RIC8B: variants seen among roughly 807,000 people sequenced by gnomAD.
RIC8B encodes the protein chaperone Ric-8B.
A neutral mutation model predicts 57.5 loss-of-function variants in RIC8B; 16 were observed. The observed-to-expected ratio is 0.28, with a 90% confidence interval of 0.19 to 0.42. The LOEUF is 0.42. RIC8B is among the 10% of genes least tolerant of loss of function. The pLI is 1.00. For missense variants in RIC8B, 481 were observed against 677.0 expected (o/e 0.71, Z 3.21); for synonymous variants, 216 against 250.8 (o/e 0.86, Z 1.31).
rs1950298797 is a variant in RIC8B, at chr12:106,869,477, GT to G, written c.1452-1342del. On this transcript the variant is annotated intron_variant, in intron 8 of 9. Transcript: ENST00000392837. Reference sequence around the variant, plus strand: ...TTTTTTTTAATTTAAACTGGGCACCGTTTTCCAGTTGATCTCAATCTCCCAA... The same window carrying G: ...TTTTTTTTAATTTAAACTGGGCACCGTTTCCAGTTGATCTCAATCTCCCAA... Among the ~76,000 whole-genome samples the G allele has an allele frequency of 2.0e-5, 3 of 150,600 alleles. 1 individual carries two copies. In the Middle Eastern group the frequency reaches 0.01, roughly 519 times the overall value.
chr12:106,832,657 T>C (rs1185531019), intron 4 of RIC8B, among the ~76,000 whole-genome samples: 1 of 152,178 alleles, frequency 6.6e-6, no homozygotes, highest in Non-Finnish European at 1.5e-5. Context: ...CAGGTATACT[T>C]AGTAAATGCT....
At chr12:106,882,550 C>A (rs1229412842) in intron 9 of RIC8B, among the ~76,000 whole-genome samples, 1 of 152,136 alleles carries the variant, frequency 6.6e-6, no homozygotes, top group Admixed American at 6.6e-5. Context: ...ATTATCACGA[C>A]CCCCATTTCA....
chr12:106,853,625 T>C (rs542850189), intron 7 of RIC8B, among the ~76,000 whole-genome samples: 1 of 151,844 alleles, frequency 6.6e-6, no homozygotes, highest in Admixed American at 6.6e-5. Context: ...CATGCCAACA[T>C]GCCTGGCTAA....
intron 2 of RIC8B, among the ~76,000 whole-genome samples, chr12:106,801,109 G>A (rs1170768994): frequency 1.3e-5 from 2 of 152,210 alleles, no homozygotes; most frequent in Non-Finnish European, 2.9e-5. Context: ...GTGGAGAACA[G>A]GGCTTTCTGA....
intron 4 of RIC8B, among the ~76,000 whole-genome samples, chr12:106,826,021 T>G (rs1205451437): frequency 6.6e-6 from 1 of 152,222 alleles, no homozygotes; most frequent in Non-Finnish European, 1.5e-5. Flanking sequence ...TTTCACTTTG[T>G]TATATTGAGG....
intron 9 of RIC8B, among the ~76,000 whole-genome samples, chr12:106,877,839 CCAT>C (rs1950737863): frequency 6.6e-6 from 1 of 152,064 alleles, no homozygotes; most frequent in South Asian, 2.1e-4. Flanking sequence ...AGCTCACCAG[CCAT>C]CATTAGTGTT....
At chr12:106,775,068 C>T (rs752394677) in intron 1 of RIC8B, 9 of 549,084 alleles carry the variant, frequency 1.6e-5, no homozygotes, top group Non-Finnish European at 3.0e-5. Flanking sequence ...GCTTGACCTC[C>T]GGTCCTCCTC....
intron 2 of RIC8B, among the ~76,000 whole-genome samples, chr12:106,789,399 CA>C (rs1156412173): frequency 3.4e-4 from 52 of 152,254 alleles, no homozygotes; most frequent in African/African-American, 1.2e-3. Flanking sequence ...TTTTCAGCAA[CA>C]CCCCACTCTA....
chr12:106,805,772 G>A (rs563271118), intron 2 of RIC8B, among the ~76,000 whole-genome samples: 146 of 151,920 alleles, frequency 9.6e-4, no homozygotes, highest in Non-Finnish European at 1.6e-3. Context: ...TCATATAAAC[G>A]TGGACTAGTA....
rs1171687267 is a variant in RIC8B at position 106,814,716 on chromosome 12, T to C, written c.153T>C (p.Phe51=). ...TTCAGAAACTCTGTGAAGGCATATTTAAAGTCCTTATAAAGGACATCCCAA... is the reference window on the plus strand; with the variant it reads ...TTCAGAAACTCTGTGAAGGCATATTCAAAGTCCTTATAAAGGACATCCCAA... ...DKRKKLCEGI[F]KVLIKDIPTT... is the part of the protein sequence containing the mutation. The change falls in exon 3 of 10, where the codon TTT becomes TTC. Residue 51 remains phenylalanine, a synonymous_variant. Coordinates refer to ENST00000392837, the MANE Select transcript of RIC8B (RefSeq NM_001330145.2). The C allele has an allele frequency of 6.2e-7, 1 of 1,601,832 alleles. No individual in the cohort carries two copies. Among genetic ancestry groups the C allele is most frequent in the East Asian group, 2.2e-5 (1 of 44,758 alleles).
At chr12:106,783,963 T>TA in intron 1 of RIC8B, 34 bp from the exon 2 acceptor site, 1 of 1,603,158 alleles carries the variant, frequency 6.2e-7, no homozygotes, top group Non-Finnish European at 8.5e-7. Flanking sequence ...TACATGTATT[T>TA]AAAATGACAT....
chr12:106,792,753 A>G (rs1044375982), intron 2 of RIC8B, among the ~76,000 whole-genome samples: 2 of 152,146 alleles, frequency 1.3e-5, no homozygotes, highest in Non-Finnish European at 2.9e-5. Flanking sequence ...GTGGTGAGCT[A>G]TGATCACGCC....
At chr12:106,841,045 A>G (rs1338735211) in intron 4 of RIC8B, among the ~76,000 whole-genome samples, 1 of 152,220 alleles carries the variant, frequency 6.6e-6, no homozygotes, top group Non-Finnish European at 1.5e-5. Context: ...AACGTTCTGA[A>G]CTATAGATAA....
chr12:106,799,985 G>A (rs1193582117), intron 2 of RIC8B, among the ~76,000 whole-genome samples: 2 of 152,234 alleles, frequency 1.3e-5, no homozygotes, highest in East Asian at 3.9e-4. Flanking sequence ...TCCTTTCGAA[G>A]CCTTTTCTCC....
intron 9 of RIC8B, 45 bp downstream of exon 9, chr12:106,870,987 C>G: frequency 6.5e-7 from 1 of 1,530,294 alleles, no homozygotes; most frequent in Non-Finnish European, 8.8e-7. Flanking sequence ...TAAAAATGGT[C>G]TATTTCTTTG....
At chr12:106,847,020 T>G (rs2136444347) in intron 6 of RIC8B, among the ~76,000 whole-genome samples, 1 of 152,308 alleles carries the variant, frequency 6.6e-6, no homozygotes, top group Middle Eastern at 3.4e-3. Flanking sequence ...TGATTTATTA[T>G]TATGCCCTGT....
Position 106,825,665 on chromosome 12 carries a change from G to A in RIC8B, c.742-61G>A. The A allele has an allele frequency of 6.6e-6, 8 of 1,217,666 alleles. No homozygotes were observed. The South Asian group carries it at 9.7e-5, about 15-fold the overall frequency. The allele number at this position is 1,217,666 out of a possible 1,614,324, so 75.4% of individuals were successfully genotyped here. ...GGTGGGCAAGAGATGTAGTAAAGTA[G>A]CAGACCCCACTGTTCAGGCATTCAA... On this transcript the variant is annotated intron_variant, in intron 3 of 9. Coordinates refer to ENST00000392837, the MANE Select transcript of RIC8B (RefSeq NM_001330145.2).
At chr12:106,824,898 ACTC>A (rs982492077) in intron 3 of RIC8B, among the ~76,000 whole-genome samples, 8 of 151,600 alleles carry the variant, frequency 5.3e-5, no homozygotes, top group Non-Finnish European at 1.2e-4. Flanking sequence ...CAAGAGCAAA[ACTC>A]CATCTCAAAA....
chr12:106,847,008 C>T (rs181567957), intron 6 of RIC8B, among the ~76,000 whole-genome samples: 1 of 152,240 alleles, frequency 6.6e-6, no homozygotes, highest in East Asian at 1.9e-4. Flanking sequence ...TAAGTGGAAC[C>T]TTGATTTATT....
Sources: allele counts gnomAD v4.1 joint callset (sites outside exome capture counted in the v4.1 genomes callset), GRCh38; gene constraint gnomAD v4.1.1; transcripts MANE v1.5; gene names NCBI Gene and HGNC (gene_info 2026-07-23, HGNC 2026-07-21).